Variants in RPGRIP1L observed in about 807,000 individuals in gnomAD.
RPGRIP1L encodes protein fantom.
RPGRIP1L carries 131 observed loss-of-function variants against 160.4 expected under a neutral mutation model. The observed-to-expected ratio is 0.82, with a 90% CI of 0.71 to 0.94. The LOEUF (loss-of-function observed/expected upper bound fraction) is 0.94. Among genes scored for constraint, RPGRIP1L ranks in the 40% least tolerant of loss-of-function variants. The pLI is 0.00. For synonymous variants in RPGRIP1L, 510 were observed against 515.8 expected (o/e 0.99, Z 0.15); for missense variants, 1,522 against 1,535.8 (o/e 0.99, Z 0.15).
intron 17 of RPGRIP1L, among the ~76,000 whole-genome samples, chr16:53,642,302 C>T (rs893173168): frequency 2.6e-5 from 4 of 151,978 alleles, no homozygotes; most frequent in African/African-American, 9.7e-5. Context: ...TCAAGCCATC[C>T]GCCTACTCAG....
chr16:53,651,083 G>A (rs1386987201), intron 15 of RPGRIP1L, among the ~76,000 whole-genome samples: 2 of 152,080 alleles, frequency 1.3e-5, no homozygotes, highest in Admixed American at 6.5e-5. Flanking sequence ...TCTAATAGGC[G>A]GGTCAGTCTT....
At position 53,605,578 on chromosome 16, in the gene RPGRIP1L, G is replaced by T. The variant is rs1239622461; in HGVS notation, c.3738C>A (p.Asp1246Glu). ...TGTCCTCACACTCCAGGTCCTGCTC[G>T]TCCTCTGGAGGGTCACTGACCACGG... Reference protein sequence around the residue: ...RFTVVSDPPEDEQDLECEDIG... With the variant: ...RFTVVSDPPEEEQDLECEDIG... Residue 1246 changes from aspartate (D) to glutamate (E), a missense_variant, in exon 26 of 27, where the codon GAC becomes GAA. By Grantham distance (45) the Asp-to-Glu change is conservative. Coordinates refer to ENST00000647211, the MANE Select transcript of RPGRIP1L (RefSeq NM_015272.5). 1.2e-6 allele frequency: 2 copies of T among 1,613,876 alleles called. No individual in the cohort carries two copies. Among genetic ancestry groups the T allele is most frequent in the African/African-American group, 2.7e-5 (2 of 74,912 alleles).
chr16:53,687,723 A>G, intron 5 of RPGRIP1L, 140 bp downstream of exon 5: 1 of 646,620 alleles, frequency 1.5e-6, no homozygotes, highest in South Asian at 1.7e-5. Flanking sequence ...GTTATATAAC[A>G]TCTGTTGTTA....
At chr16:53,629,624 CTTTTT>C (rs1965392337) in intron 22 of RPGRIP1L, among the ~76,000 whole-genome samples, 1 of 152,292 alleles carries the variant, frequency 6.6e-6, no homozygotes. Context: ...TAACTACTTC[CTTTTT>C]TGAGTCAATC....
chr16:53,689,014 AT>A (rs1288121967), intron 4 of RPGRIP1L, among the ~76,000 whole-genome samples: 5 of 151,158 alleles, frequency 3.3e-5, no homozygotes, highest in Non-Finnish European at 7.4e-5. Flanking sequence ...ATAAAAAATA[AT>A]CAAAACATAT....
intron 24 of RPGRIP1L, among the ~76,000 whole-genome samples, chr16:53,612,648 T>C (rs968645622): frequency 1.3e-5 from 2 of 152,098 alleles, no homozygotes; most frequent in Non-Finnish European, 2.9e-5. Flanking sequence ...GAATTTCAAA[T>C]GCCAGCATCC....
intron 10 of RPGRIP1L, chr16:53,659,300 A>G (rs1361398402): frequency 2.0e-6 from 1 of 497,414 alleles, no homozygotes; most frequent in African/African-American, 2.1e-5. Flanking sequence ...TTCCCAACTT[A>G]GCATATAGTA....
At chr16:53,682,569 T>C (rs1969688837) in intron 6 of RPGRIP1L, among the ~76,000 whole-genome samples, 1 of 150,300 alleles carries the variant, frequency 6.7e-6, no homozygotes, top group African/African-American at 2.4e-5. Context: ...CACCTTACAC[T>C]AAACTTGAGA....
At chr16:53,606,520 T>A (rs1963693886) in intron 25 of RPGRIP1L, among the ~76,000 whole-genome samples, 1 of 152,194 alleles carries the variant, frequency 6.6e-6, no homozygotes, top group African/African-American at 2.4e-5. Context: ...TAGGTAAACA[T>A]GACAATACAT....
chr16:53,619,054 C>T lies in RPGRIP1L; in HGVS notation c.3587G>A (p.Gly1196Glu), dbSNP rs1210597784. 5 of 1,613,908 alleles carry T rather than the reference C, an allele frequency of 3.1e-6. No individual in the cohort carries two copies. The highest frequency in any genetic ancestry group is 4.2e-6 in the Non-Finnish European group (5 of 1,179,896). ...GCTATAGTTATAGTAGACCCACTGC[C>T]CACTCTTGGGTTTTGGAAGTGACAC... ...TPVSLPKPKS[G>E]QWVYYNYSNV... The change falls in exon 24 of 27, where the codon GGG becomes GAG. Residue 1196 changes from glycine (G) to glutamate (E), a missense_variant. Physicochemically the swap from Gly to Glu is moderately conservative, Grantham distance 98. Transcript: ENST00000647211.
At chr16:53,701,671 T>G (rs1418012608) in intron 1 of RPGRIP1L, 1 of 151,912 alleles carries the variant, frequency 6.6e-6, no homozygotes, top group East Asian at 1.9e-4. Flanking sequence ...AGTAGCAAGC[T>G]TCATTGTCTT....
rs1285362662 is a variant in RPGRIP1L, at chr16:53,656,456, A to G, written c.1699+16T>C. On this transcript the variant is annotated intron_variant, in intron 14 of 26. Coordinates refer to ENST00000647211, the MANE Select transcript of RPGRIP1L (RefSeq NM_015272.5). ...TCCTCTAGTTACTGTGGACCAAAAA[A>G]TCGTATATGTTGTACCTTCTAGTTT... The G allele has an allele frequency of 1.3e-6, 2 of 1,532,056 alleles. No homozygotes were observed. The highest frequency in any genetic ancestry group is 1.8e-6 in the Non-Finnish European group (2 of 1,105,240). The allele number at this position is 1,532,056 out of a possible 1,614,324, so 94.9% of individuals were successfully genotyped here.
Position 53,656,230 on chromosome 16 carries a change from C to T in RPGRIP1L, c.1699+242G>A, listed in dbSNP as rs550405588. On this transcript the variant is annotated intron_variant, in intron 14 of 26. Coordinates refer to ENST00000647211, the MANE Select transcript of RPGRIP1L (RefSeq NM_015272.5). ...ATCCCAATACTTTGAGAGGCCGAGGCGGGAGGACGATTTGAGCCCAGGAGT... is the reference window on the plus strand; with the variant it reads ...ATCCCAATACTTTGAGAGGCCGAGGTGGGAGGACGATTTGAGCCCAGGAGT... 5.9e-5 allele frequency among the ~76,000 whole-genome samples: 9 copies of T among 151,956 alleles called. No individual in the cohort carries two copies. In the East Asian group the frequency reaches 1.4e-3, roughly 23 times the overall value.
intron 4 of RPGRIP1L, among the ~76,000 whole-genome samples, chr16:53,690,275 C>T (rs1045444407): frequency 6.6e-6 from 1 of 152,178 alleles, no homozygotes; most frequent in Admixed American, 6.5e-5. Context: ...TGGCTCACTG[C>T]AAACTCCGCC....
At position 53,602,177 on chromosome 16, in the gene RPGRIP1L, G is replaced by A. The variant is rs754697392; in HGVS notation, c.3847C>T (p.Arg1283Ter). 7 of 1,611,814 alleles carry A rather than the reference G, an allele frequency of 4.3e-6. No individual in the cohort carries two copies. The highest frequency in any genetic ancestry group is 4.5e-5 in the East Asian group (2 of 44,866). ...IEQNIDVFDA[R>*]ADGEGIGKLR... is the part of the protein sequence containing the mutation. ...TTGCCAATACCTTCACCATCTGCTC[G>A]TGCATCAAAAACTAGGGAGAAAAGA... Residue 1283 changes from arginine (R) to a stop codon, truncating the protein, a stop_gained, in exon 27 of 27, where the codon CGA (arginine) becomes TGA (stop). Coordinates refer to ENST00000647211, the MANE Select transcript of RPGRIP1L (RefSeq NM_015272.5). LOFTEE classifies it high-confidence loss of function.
intron 23 of RPGRIP1L, among the ~76,000 whole-genome samples, 185 bp from the exon 24 acceptor site, chr16:53,619,393 G>A (rs547554123): frequency 6.6e-6 from 1 of 152,338 alleles, no homozygotes; most frequent in South Asian, 2.1e-4. Context: ...CACAGAATGA[G>A]ATGCTAATGC....
intron 6 of RPGRIP1L, among the ~76,000 whole-genome samples, chr16:53,685,244 T>C (rs184698598): frequency 6.6e-6 from 1 of 152,346 alleles, no homozygotes; most frequent in Admixed American, 6.5e-5. Context: ...GGAACACTTT[T>C]ACACTGTTGG....
chr16:53,608,325 C>T (rs1360212326), intron 25 of RPGRIP1L, among the ~76,000 whole-genome samples: 1 of 152,210 alleles, frequency 6.6e-6, no homozygotes, highest in Non-Finnish European at 1.5e-5. Flanking sequence ...TTCACTGTTA[C>T]TTTCTATTTT....
At chr16:53,689,089 G>GTT (rs982160133) in intron 4 of RPGRIP1L, among the ~76,000 whole-genome samples, 4 of 148,548 alleles carry the variant, frequency 2.7e-5, no homozygotes, top group Admixed American at 1.3e-4. Context: ...TTATATATAT[G>GTT]TTATATATAT....
Sources: allele counts gnomAD v4.1 joint callset (sites outside exome capture counted in the v4.1 genomes callset), GRCh38; gene constraint gnomAD v4.1.1; transcripts MANE v1.5; gene names NCBI Gene and HGNC (gene_info 2026-07-23, HGNC 2026-07-21).